Variants in IL23R observed in about 807,000 individuals in gnomAD.
The protein encoded by IL23R is interleukin-23 receptor.
A neutral mutation model predicts 56.9 loss-of-function variants in IL23R; 34 were observed. That is an observed-to-expected ratio of 0.60 (90% CI 0.45 to 0.80). IL23R has a LOEUF of 0.80. Among genes scored for constraint, IL23R ranks in the 30% least tolerant of loss-of-function variants. IL23R has a pLI of 0.00. For missense variants in IL23R, 635 were observed against 730.0 expected, an observed-to-expected ratio of 0.87 and a Z score of 1.50; for synonymous variants, 230 against 249.2, an observed-to-expected ratio of 0.92 and a Z score of 0.73.
intron 8 of IL23R, among the ~76,000 whole-genome samples, chr1:67,239,792 A>G (rs1651735745): frequency 1.3e-5 from 2 of 152,212 alleles, no homozygotes; most frequent in African/African-American, 4.8e-5. Context: ...GTTAAAAAAA[A>G]TCAGTATGAT....
intron 9 of IL23R, among the ~76,000 whole-genome samples, chr1:67,253,640 T>G (rs1323326489): frequency 6.6e-6 from 1 of 152,244 alleles, no homozygotes; most frequent in African/African-American, 2.4e-5. Flanking sequence ...TTAATAAACA[T>G]ATTCCTAATA....
At chr1:67,185,542 A>C (rs1348239532) in intron 4 of IL23R, among the ~76,000 whole-genome samples, 1 of 152,136 alleles carries the variant, frequency 6.6e-6, no homozygotes, top group Non-Finnish European at 1.5e-5. Flanking sequence ...CCTGGGTTTC[A>C]AGCAATTCTC....
chr1:67,209,052 T>C (rs1649271827), intron 6 of IL23R, among the ~76,000 whole-genome samples: 1 of 152,186 alleles, frequency 6.6e-6, no homozygotes, highest in African/African-American at 2.4e-5. Context: ...GTTGCCCTGC[T>C]GGATTTTGGA....
At chr1:67,172,995 G>A (rs1646961958) in intron 3 of IL23R, among the ~76,000 whole-genome samples, 1 of 152,152 alleles carries the variant, frequency 6.6e-6, no homozygotes, top group African/African-American at 2.4e-5. Flanking sequence ...GAAGTTCTCA[G>A]TAGAAAGGGA....
chr1:67,215,050 C>T (rs1295511103), intron 6 of IL23R, among the ~76,000 whole-genome samples: 1 of 152,200 alleles, frequency 6.6e-6, no homozygotes, highest in East Asian at 1.9e-4. Context: ...TCAAATCAAT[C>T]ACGACCCTTT....
downstream of IL23R, among the ~76,000 whole-genome samples, chr1:67,262,391 G>T (rs1044516135): frequency 6.6e-6 from 1 of 152,092 alleles, no homozygotes; most frequent in Non-Finnish European, 1.5e-5. Context: ...TGTCTAGAGA[G>T]GTAAAATGGG....
rs11803704 is a variant in IL23R, at chr1:67,223,921, A to C, written c.955+4191A>C. Among the ~76,000 whole-genome samples, 1,105 of 152,334 alleles carry C rather than the reference A, an allele frequency of 7.3e-3. 15 individuals are homozygous for C. Among genetic ancestry groups the C allele is most frequent in the African/African-American group, 0.025 (1,046 of 41,570 alleles). Reference sequence around the variant, plus strand: ...TTTAGTTCTAAAGAAGAATTATTGCATCAAGAGTTAAGCACCTTTTAAGAT... The same window carrying C: ...TTTAGTTCTAAAGAAGAATTATTGCCTCAAGAGTTAAGCACCTTTTAAGAT... On this transcript the variant is annotated intron_variant, in intron 7 of 10. Coordinates refer to ENST00000347310, the MANE Select transcript of IL23R (RefSeq NM_144701.3).
intron 9 of IL23R, among the ~76,000 whole-genome samples, chr1:67,251,115 G>A (rs576831323): frequency 3.3e-5 from 5 of 152,236 alleles, no homozygotes; most frequent in East Asian, 3.9e-4. Context: ...AGTCGACTGA[G>A]AAGAAAAAAC....
chr1:67,227,994 CTT>C (rs374586081), intron 7 of IL23R, among the ~76,000 whole-genome samples: 5 of 94,036 alleles, frequency 5.3e-5, no homozygotes, highest in African/African-American at 2.1e-4. Flanking sequence ...TTCTTTCTTT[CTT>C]TCTTTCTTTC....
intron 7 of IL23R, among the ~76,000 whole-genome samples, chr1:67,234,383 A>C (rs997584061): frequency 6.6e-6 from 1 of 152,208 alleles, no homozygotes; most frequent in Non-Finnish European, 1.5e-5. Flanking sequence ...ATTTGGAACT[A>C]TGATAACAAA....
At chr1:67,155,014 G>A (rs1234065049) in intron 1 of IL23R, among the ~76,000 whole-genome samples, 1 of 152,092 alleles carries the variant, frequency 6.6e-6, no homozygotes, top group African/African-American at 2.4e-5. Flanking sequence ...GCATTTGCTT[G>A]TCTGGAAATG....
At chr1:67,147,792 C>T (rs556794532) in intron 1 of IL23R, among the ~76,000 whole-genome samples, 1 of 152,312 alleles carries the variant, frequency 6.6e-6, no homozygotes, top group African/African-American at 2.4e-5. Flanking sequence ...CTAGCTACTT[C>T]ATTTTACTGT....
chr1:67,264,729 CTT>C (rs1333515729), downstream of IL23R, among the ~76,000 whole-genome samples: 2 of 152,328 alleles, frequency 1.3e-5, no homozygotes, highest in African/African-American at 4.8e-5. Flanking sequence ...GCTAATTTCA[CTT>C]TTCAACTTAA....
At chr1:67,260,387 T>C (rs1382805881), downstream of IL23R, among the ~76,000 whole-genome samples, 1 of 152,048 alleles carries the variant, frequency 6.6e-6, no homozygotes, top group Non-Finnish European at 1.5e-5. Context: ...GTTAGAAAAT[T>C]ATTGTTAAAA....
chr1:67,250,756 A>G (rs1344542216), intron 9 of IL23R, among the ~76,000 whole-genome samples: 1 of 152,208 alleles, frequency 6.6e-6, no homozygotes, highest in Non-Finnish European at 1.5e-5. Flanking sequence ...CACACAACAC[A>G]TATATAACTA....
intron 3 of IL23R, among the ~76,000 whole-genome samples, chr1:67,178,163 T>C (rs2102571230): frequency 6.6e-6 from 1 of 152,244 alleles, no homozygotes; most frequent in South Asian, 2.1e-4. Context: ...AGAAAGTCAT[T>C]GGTAGCTTGA....
At chr1:67,219,237 G>T (rs1446052802) in intron 6 of IL23R, among the ~76,000 whole-genome samples, 3 of 152,012 alleles carry the variant, frequency 2.0e-5, no homozygotes, top group Non-Finnish European at 4.4e-5. Flanking sequence ...GTGTTGTAGT[G>T]CATGACTGTA....
At chr1:67,252,124 G>A (rs529431034) in intron 9 of IL23R, among the ~76,000 whole-genome samples, 2 of 151,942 alleles carry the variant, frequency 1.3e-5, no homozygotes, top group Non-Finnish European at 2.9e-5. Flanking sequence ...TGCCTCCCAA[G>A]CCTAATGTAT....
chr1:67,231,570 G>A (rs746964078), intron 7 of IL23R, among the ~76,000 whole-genome samples: 4 of 152,040 alleles, frequency 2.6e-5, no homozygotes, highest in South Asian at 2.1e-4. Context: ...ACTGAGTTTC[G>A]TTTGAGTCTG....
Sources: allele counts gnomAD v4.1 joint callset (sites outside exome capture counted in the v4.1 genomes callset), GRCh38; gene constraint gnomAD v4.1.1; transcripts MANE v1.5; gene names NCBI Gene and HGNC (gene_info 2026-07-23, HGNC 2026-07-21).